Variants in APP observed in about 807,000 individuals in gnomAD.
APP encodes amyloid-beta precursor protein.
A neutral mutation model predicts 101.4 loss-of-function variants in APP; 31 were observed. The observed-to-expected ratio is 0.31, with a 90% CI of 0.23 to 0.41. APP has a LOEUF of 0.41. APP is among the 10% of genes least tolerant of loss of function. APP has a pLI of 1.00. For missense variants in APP, 839 were observed against 1,003.7 expected, an observed-to-expected ratio of 0.84 and a Z score of 2.22; for synonymous variants, 366 against 364.4, an observed-to-expected ratio of 1.00 and a Z score of -0.05.
chr21:26,142,055 G>A (rs375369), intron 1 of APP, among the ~76,000 whole-genome samples: 88,045 of 151,980 alleles, frequency 0.58, 26,943 homozygotes, highest in African/African-American at 0.78. Context: ...TGGAAGAATA[G>A]GAAACAGTAT....
intron 3 of APP, among the ~76,000 whole-genome samples, chr21:26,064,982 T>C (rs1332234098): frequency 1.3e-5 from 2 of 152,216 alleles, no homozygotes; most frequent in Non-Finnish European, 1.5e-5. Flanking sequence ...GCCTCCAAAG[T>C]AGCTGGGACT....
In APP at chr21:25,954,644, G is replaced by A; in HGVS notation, c.1633C>T (p.Leu545Phe). Reference protein sequence around the residue: ...RVIYERMNQSLSLLYNVPAVA... With the variant: ...RVIYERMNQSFSLLYNVPAVA... ...GCAGGCACGTTGTAGAGCAGGGAGAGAGACTGATTCATGCGCTCATAAATC... is the reference window on the plus strand; with the variant it reads ...GCAGGCACGTTGTAGAGCAGGGAGAAAGACTGATTCATGCGCTCATAAATC... The change falls in exon 13 of 18, where the codon CTC becomes TTC. Residue 545 changes from leucine to phenylalanine, a missense_variant. Coordinates refer to ENST00000346798, the MANE Select transcript of APP (RefSeq NM_000484.4). 1 of 1,614,162 alleles carries A rather than the reference G, an allele frequency of 6.2e-7. No individual in the cohort carries two copies. The highest frequency in any genetic ancestry group is 8.5e-7 in the Non-Finnish European group (1 of 1,180,012).
intron 6 of APP, among the ~76,000 whole-genome samples, chr21:26,013,575 T>C (rs989767462): frequency 2.0e-5 from 3 of 152,238 alleles, no homozygotes; most frequent in African/African-American, 7.2e-5. Flanking sequence ...TAAATTGGAC[T>C]AAAATTTTAT....
At chr21:26,125,151 G>A (rs1158903312) in intron 1 of APP, among the ~76,000 whole-genome samples, 2 of 152,222 alleles carry the variant, frequency 1.3e-5, no homozygotes, top group African/African-American at 4.8e-5. Flanking sequence ...CAAGGCTAGC[G>A]TCCAAATGAC....
intron 17 of APP, among the ~76,000 whole-genome samples, chr21:25,883,388 G>C (rs977266426): frequency 1.3e-5 from 2 of 151,942 alleles, no homozygotes; most frequent in Non-Finnish European, 2.9e-5. Context: ...GGGAGACAGA[G>C]TGAGACTCCA....
At chr21:26,002,003 AC>A (rs1379128287) in intron 6 of APP, among the ~76,000 whole-genome samples, 1 of 152,252 alleles carries the variant, frequency 6.6e-6, no homozygotes, top group Admixed American at 6.5e-5. Context: ...TGGGATACTT[AC>A]GTCAACAAGT....
chr21:25,900,132 CTT>C (rs922382164), intron 15 of APP, among the ~76,000 whole-genome samples: 5 of 152,170 alleles, frequency 3.3e-5, no homozygotes, highest in African/African-American at 1.2e-4. Flanking sequence ...CTAAAACTCT[CTT>C]AATTCTCACT....
At chr21:26,127,441 T>C (rs185661393) in intron 1 of APP, among the ~76,000 whole-genome samples, 1 of 152,356 alleles carries the variant, frequency 6.6e-6, no homozygotes. Context: ...TATATACTAA[T>C]AGGTTACATA....
At chr21:25,954,519 C>T (rs1473292443) in intron 13 of APP, 71 bp downstream of exon 13, 2 of 1,327,708 alleles carry the variant, frequency 1.5e-6, no homozygotes, top group Non-Finnish European at 2.1e-6. Flanking sequence ...AAACAGATAA[C>T]TCACTTCCTC....
intron 6 of APP, among the ~76,000 whole-genome samples, chr21:26,003,784 C>G (rs1359835150): frequency 1.3e-5 from 2 of 152,192 alleles, no homozygotes; most frequent in Non-Finnish European, 2.9e-5. Context: ...GTCAGCAACC[C>G]TGATTCCCCA....
intron 13 of APP, among the ~76,000 whole-genome samples, chr21:25,939,602 G>A (rs1264624586): frequency 1.2e-4 from 19 of 152,076 alleles, no homozygotes; most frequent in South Asian, 2.1e-4. Context: ...AAAGACTACT[G>A]GATTACCAAG....
intron 11 of APP, among the ~76,000 whole-genome samples, chr21:25,969,854 CAAAAGAAAAG>C (rs541544438): frequency 4.1e-5 from 3 of 73,312 alleles, no homozygotes; most frequent in African/African-American, 9.9e-5. Flanking sequence ...GAAAAGAAAA[CAAAAGAAAAG>C]AAAAGAAAAG....
intron 3 of APP, among the ~76,000 whole-genome samples, chr21:26,069,888 A>G (rs1375075659): frequency 1.2e-4 from 18 of 152,236 alleles, no homozygotes; most frequent in Non-Finnish European, 2.9e-5. Flanking sequence ...TGCATTTAAC[A>G]AAAGAGTTAA....
intron 13 of APP, among the ~76,000 whole-genome samples, chr21:25,952,530 T>C (rs1017357947): frequency 4.6e-5 from 7 of 152,232 alleles, no homozygotes; most frequent in African/African-American, 1.7e-4. Context: ...TCTGTGGAAG[T>C]GTGACTAATT....
chr21:26,077,250 T>C lies in APP; in HGVS notation c.355+12693A>G, dbSNP rs58002236. Among the ~76,000 whole-genome samples the C allele has an allele frequency of 8.5e-3, 1,293 of 151,982 alleles. 10 individuals are homozygous for C. The highest frequency in any genetic ancestry group is 0.03 in the African/African-American group (1,222 of 41,388). On this transcript the variant is annotated intron_variant, in intron 3 of 17. Transcript: ENST00000346798. ...TTTAGTTGTCTCTTCTGCAACTTAC[T>C]CCCTAAACTCTGTGCTTAAATAACT...
chr21:25,957,474 C>T (rs1371992548), intron 11 of APP, among the ~76,000 whole-genome samples: 3 of 152,184 alleles, frequency 2.0e-5, no homozygotes, highest in African/African-American at 4.8e-5. Context: ...ACCCTCGATG[C>T]TTGCTTGTTA....
chr21:26,114,419 G>T (rs528423903), intron 1 of APP, among the ~76,000 whole-genome samples: 2 of 152,118 alleles, frequency 1.3e-5, no homozygotes, highest in Non-Finnish European at 2.9e-5. Flanking sequence ...TGATGATGGT[G>T]TAACTTCCGA....
chr21:25,984,960 A>T (rs902479920), intron 8 of APP, among the ~76,000 whole-genome samples: 2 of 152,200 alleles, frequency 1.3e-5, no homozygotes, highest in Non-Finnish European at 2.9e-5. Flanking sequence ...TGGAATCATA[A>T]AACTTACTAT....
chr21:26,156,625 G>A (rs1326537904), intron 1 of APP, among the ~76,000 whole-genome samples: 1 of 152,186 alleles, frequency 6.6e-6, no homozygotes, highest in Non-Finnish European at 1.5e-5. Context: ...TTCAGACTGG[G>A]TTTGAAGCAT....
Sources: gnomAD v4.1 joint callset for allele counts (sites outside exome capture counted in the v4.1 genomes callset) on GRCh38, gnomAD v4.1.1 for gene constraint, MANE v1.5 for transcripts, NCBI Gene and HGNC (gene_info 2026-07-23, HGNC 2026-07-21) for gene names.